Variants in MAK16 observed in about 807,000 individuals in gnomAD.
The protein encoded by MAK16 is MAK16 homolog, also known as protein MAK16 homolog.
MAK16 carries 12 observed loss-of-function variants against 49.9 expected under a neutral mutation model. That is an observed-to-expected ratio of 0.24 (90% CI 0.15 to 0.39). The LOEUF (loss-of-function observed/expected upper bound fraction) is 0.39. Among genes scored for constraint, MAK16 ranks in the 10% least tolerant of loss-of-function variants. The pLI is 1.00. For synonymous variants in MAK16, 115 were observed against 126.4 expected (o/e 0.91, Z 0.60); for missense variants, 292 against 363.7 (o/e 0.80, Z 1.60).
chr8:33,495,716 TTTTTTTTTTTTTTTTTTTG>T (rs2128824692), intron 7 of MAK16, 100 bp downstream of exon 7: 2 of 301,512 alleles, frequency 6.6e-6, no homozygotes, highest in African/African-American at 9.5e-5. Flanking sequence ...TTTTTTTTTT[TTTTTTTTTTTTTTTTTTTG>T]AGATGGAGTC....
At position 33,493,470 on chromosome 8, in the gene MAK16, A is replaced by G. The variant is rs1298115488; in HGVS notation, c.448-2072A>G. On this transcript the variant is annotated intron_variant, in intron 6 of 9. Transcript: ENST00000360128. ...TTATACATACACACTTCCACTAATAATACAATGTGTATTATAACTAATTGT... is the reference window on the plus strand; with the variant it reads ...TTATACATACACACTTCCACTAATAGTACAATGTGTATTATAACTAATTGT... 2.0e-5 allele frequency among the ~76,000 whole-genome samples: 3 copies of G among 152,322 alleles called. No individual in the cohort carries two copies. The East Asian group carries it at 5.8e-4, about 29-fold the overall frequency.
chr8:33,500,580 C>T lies in MAK16; in HGVS notation c.*1951C>T, dbSNP rs1809038771. The T allele has an allele frequency of 3.4e-6, 5 of 1,487,048 alleles. No individual in the cohort carries two copies. The South Asian group carries it at 6.2e-5, about 18-fold the overall frequency. The allele number at this position is 1,487,048 out of a possible 1,614,324, so 92.1% of individuals were successfully genotyped here. On this transcript the variant is annotated 3_prime_UTR_variant, in exon 10 of 10. Transcript: ENST00000360128. ...CAAAGACTGTCAAGTGGAAAGCTAT[C>T]ATTTCCTAAATTAAGGAACTTAGGT...
rs184539571 is a variant in MAK16 at position 33,495,194 on chromosome 8, C to T, written c.448-348C>T. ...GTAAACGAATGAAGATTTCTGTTCT[C>T]TTTTCTCAGCTTTTACAAAGTCTGG... On this transcript the variant is annotated intron_variant, in intron 6 of 9. Coordinates refer to ENST00000360128, the MANE Select transcript of MAK16 (RefSeq NM_032509.4). 5.0e-3 allele frequency among the ~76,000 whole-genome samples: 764 copies of T among 152,294 alleles called. 3 individuals carry two copies. The highest frequency in any genetic ancestry group is 7.9e-3 in the Non-Finnish European group (535 of 68,022).
In MAK16 at chr8:33,498,532, A is replaced by T. The variant is rs1284820439; in HGVS notation, c.806A>T (p.Lys269Ile). The T allele has an allele frequency of 1.2e-5, 19 of 1,614,010 alleles. No individual in the cohort carries two copies. The Middle Eastern group carries it at 8.2e-4, about 70-fold the overall frequency. Residue 269 changes from lysine to isoleucine, a missense_variant, in exon 10 of 10, where the codon AAA becomes ATA. Coordinates refer to ENST00000360128, the MANE Select transcript of MAK16 (RefSeq NM_032509.4). ...EKALSAKHKG[K>I]MPLRGPLQRK... ...GCCCTTAGTGCGAAACACAAAGGCA[A>T]AATGCCCTTGAGAGGACCACTGCAG...
At chr8:33,494,509 G>A (rs560500960) in intron 6 of MAK16, among the ~76,000 whole-genome samples, 115 of 152,244 alleles carry the variant, frequency 7.6e-4, no homozygotes, top group African/African-American at 2.6e-3. Flanking sequence ...TTAAATAGTC[G>A]TCTAAATAAA....
chr8:33,499,062 G>T lies in MAK16; in HGVS notation c.*433G>T. 1.1e-6 allele frequency: 1 copy of T among 899,040 alleles called. No homozygotes were observed. 55.7% of individuals were successfully genotyped at this position (899,040 alleles called of 1,614,324 possible). On this transcript the variant is annotated 3_prime_UTR_variant, in exon 10 of 10. Coordinates refer to ENST00000360128, the MANE Select transcript of MAK16 (RefSeq NM_032509.4). ...AAGGAAAGGAAGGAAGGAAAAAGCA[G>T]CTTTCACTTACAAAGTTTCGTGTAA...
At chr8:33,498,271 C>CA (rs35740010) in intron 9 of MAK16, among the ~76,000 whole-genome samples, 161 bp from the exon 10 acceptor site, 3,903 of 85,706 alleles carry the variant, frequency 0.046, 209 homozygotes, top group African/African-American at 0.084. Flanking sequence ...GACCCCGTCT[C>CA]AAAAAAAAAA....
Position 33,498,757 on chromosome 8 carries a change from T to A in MAK16, c.*128T>A. The A allele has an allele frequency of 1.2e-6, 1 of 811,016 alleles. No individual in the cohort carries two copies. The highest frequency in any genetic ancestry group is 1.9e-6 in the Non-Finnish European group (1 of 519,024). The allele number at this position is 811,016 out of a possible 1,614,324, so 50.2% of individuals were successfully genotyped here. ...TGTACTGAACACAATATTTGTGTTTTTATTATTTATGCCACGTCAGTGGGG... is the reference window on the plus strand; with the variant it reads ...TGTACTGAACACAATATTTGTGTTTATATTATTTATGCCACGTCAGTGGGG... On this transcript the variant is annotated 3_prime_UTR_variant, in exon 10 of 10. Transcript: ENST00000360128.
rs1283260650 is a variant in MAK16, at chr8:33,488,053, C to T, written c.16-325C>T. Among the ~76,000 whole-genome samples the T allele has an allele frequency of 3.3e-5, 5 of 152,162 alleles. No individual in the cohort carries two copies. In the South Asian group the frequency reaches 8.3e-4, roughly 25 times the overall value. ...AAGCGATTCTCCTGCCCCAGCCTCC[C>T]GAGTAGCTAGGATTACAGGCATGCG... On this transcript the variant is annotated intron_variant, in intron 1 of 9. Coordinates refer to ENST00000360128, the MANE Select transcript of MAK16 (RefSeq NM_032509.4).
chr8:33,490,598 G>T (rs1808762612), intron 6 of MAK16, among the ~76,000 whole-genome samples: 1 of 152,090 alleles, frequency 6.6e-6, no homozygotes, highest in Non-Finnish European at 1.5e-5. Context: ...ATTTCTTGTG[G>T]TCAAATATTT....
intron 6 of MAK16, 134 bp downstream of exon 6, chr8:33,490,473 A>G: frequency 1.7e-6 from 1 of 591,158 alleles, no homozygotes; most frequent in Non-Finnish European, 2.9e-6. Context: ...TTAGTTGCCT[A>G]AGACATTTAA....
chr8:33,500,175 T>A lies in MAK16; in HGVS notation c.*1546T>A. On this transcript the variant is annotated 3_prime_UTR_variant, in exon 10 of 10. Transcript: ENST00000360128. ...AGATGAATAAGAAAAAAGATCAAGC[T>A]CTTTTGAGGCTAGAGGGCTCATATG... 1.3e-6 allele frequency: 1 copy of A among 765,510 alleles called. No homozygotes were observed. Among genetic ancestry groups the A allele is most frequent in the East Asian group, 2.7e-5 (1 of 36,706 alleles). The allele number at this position is 765,510 out of a possible 1,614,324, so 47.4% of individuals were successfully genotyped here.
chr8:33,496,979 A>T (rs941975556), intron 8 of MAK16, among the ~76,000 whole-genome samples: 1 of 152,180 alleles, frequency 6.6e-6, no homozygotes, highest in Admixed American at 6.5e-5. Context: ...CAAATTATAA[A>T]GCCTTTCCTG....
chr8:33,488,940 A>T, intron 4 of MAK16, 48 bp from the exon 5 acceptor site: 1 of 1,612,926 alleles, frequency 6.2e-7, no homozygotes, highest in Non-Finnish European at 8.5e-7. Context: ...TGAAAACCTA[A>T]TGAATCATTT....
Position 33,499,464 on chromosome 8 carries a change from G to A in MAK16, c.*835G>A, listed in dbSNP as rs1585320321. The A allele has an allele frequency of 1.9e-6, 1 of 536,250 alleles. No homozygotes were observed. The highest frequency in any genetic ancestry group is 3.3e-6 in the Non-Finnish European group (1 of 302,502). The allele number at this position is 536,250 out of a possible 1,614,324, so 33.2% of individuals were successfully genotyped here. ...ATTTTTAAATTTATATAGCTCTCAT[G>A]TATTGAAGGTGCTACTTTAAAAACT... On this transcript the variant is annotated 3_prime_UTR_variant, in exon 10 of 10. Transcript: ENST00000360128.
Position 33,499,222 on chromosome 8 carries a change from A to G in MAK16, c.*593A>G. 6.2e-7 allele frequency: 1 copy of G among 1,614,022 alleles called. No homozygotes were observed. The highest frequency in any genetic ancestry group is 8.5e-7 in the Non-Finnish European group (1 of 1,180,008). ...TTCAGAAACCTGCTGCACTTTTCTG[A>G]TATAGTTCACCACTTTTCTGTCTTC... On this transcript the variant is annotated 3_prime_UTR_variant, in exon 10 of 10. Transcript: ENST00000360128.
intron 9 of MAK16, among the ~76,000 whole-genome samples, chr8:33,498,032 G>T (rs1032237063): frequency 4.0e-5 from 6 of 151,060 alleles, no homozygotes; most frequent in Admixed American, 1.3e-4. Context: ...GGAGATGGAG[G>T]TTGCAGTGAG....
intron 5 of MAK16, 146 bp from the exon 6 acceptor site, chr8:33,490,139 C>T (rs774583108): frequency 9.3e-5 from 58 of 620,500 alleles, no homozygotes; most frequent in East Asian, 1.7e-4. Flanking sequence ...CGCTAGCCTC[C>T]GTGAATGCCT....
At chr8:33,495,033 A>T (rs1049669657) in intron 6 of MAK16, among the ~76,000 whole-genome samples, 1 of 152,184 alleles carries the variant, frequency 6.6e-6, no homozygotes, top group East Asian at 1.9e-4. Context: ...GACTTTCACT[A>T]TCAAATTAAT....
Sources: allele counts gnomAD v4.1 joint callset (sites outside exome capture counted in the v4.1 genomes callset), GRCh38; gene constraint gnomAD v4.1.1; transcripts MANE v1.5; gene names NCBI Gene and HGNC (gene_info 2026-07-23, HGNC 2026-07-21).